Variants in CCDC146 observed in about 807,000 individuals in gnomAD.
CCDC146 encodes coiled-coil domain containing 146, also known as coiled-coil domain-containing protein 146.
CCDC146 carries 92 observed loss-of-function variants against 119.3 expected under a neutral mutation model. That is an observed-to-expected ratio of 0.77 (90% CI 0.65 to 0.92). The LOEUF is 0.92. Among genes scored for constraint, CCDC146 ranks in the 40% least tolerant of loss-of-function variants. The pLI, the probability that CCDC146 is intolerant of heterozygous loss-of-function variation, is 0.00. For synonymous variants in CCDC146, 372 were observed against 371.8 expected (o/e 1.00, Z -0.01); for missense variants, 1,000 against 1,103.0 (o/e 0.91, Z 1.32).
intron 1 of CCDC146, among the ~76,000 whole-genome samples, chr7:77,130,662 G>C (rs545187088): frequency 7.1e-6 from 1 of 140,208 alleles, no homozygotes; most frequent in Non-Finnish European, 1.5e-5. Flanking sequence ...GCAGTGGCGC[G>C]ATCTCGACTC....
rs1184811518 is a variant in CCDC146, at chr7:77,262,193, G to A, written c.1059G>A (p.Lys353=). The change falls in exon 9 of 19, where the codon AAG becomes AAA. Residue 353 remains lysine, a synonymous_variant. Transcript: ENST00000285871. The part of the protein sequence containing the change: ...KQNYHDELSR[K]QREKERDFRN... ...ACTACCATGATGAACTTTCTCGTAA[G>A]CAAAGAGAGAAAGAACGAGATTTTC... 1.9e-6 allele frequency: 3 copies of A among 1,613,792 alleles called. No homozygotes were observed. Among genetic ancestry groups the A allele is most frequent in the Admixed American group, 1.7e-5 (1 of 59,980 alleles).
chr7:77,285,951 G>C (rs1793840552), intron 15 of CCDC146, among the ~76,000 whole-genome samples: 1 of 152,234 alleles, frequency 6.6e-6, no homozygotes, highest in Admixed American at 6.5e-5. Context: ...TGCCAGCCAA[G>C]TGTTTTGAAA....
intron 1 of CCDC146, among the ~76,000 whole-genome samples, chr7:77,165,798 A>C (rs1297627062): frequency 2.6e-5 from 4 of 152,204 alleles, no homozygotes. Context: ...TTTTTAGTAA[A>C]ATATTACAAA....
At chr7:77,219,009 T>A (rs1383751404) in intron 2 of CCDC146, among the ~76,000 whole-genome samples, 1 of 152,212 alleles carries the variant, frequency 6.6e-6, no homozygotes, top group African/African-American at 2.4e-5. Context: ...ACAACATGAA[T>A]AAGGTCTATC....
intron 2 of CCDC146, among the ~76,000 whole-genome samples, chr7:77,216,118 G>C (rs1056785497): frequency 6.6e-6 from 1 of 151,560 alleles, no homozygotes; most frequent in Non-Finnish European, 1.5e-5. Flanking sequence ...AGGAAGATTT[G>C]TGCTTTTGTT....
At chr7:77,246,107 C>T (rs1283598416) in intron 4 of CCDC146, among the ~76,000 whole-genome samples, 2 of 152,038 alleles carry the variant, frequency 1.3e-5, no homozygotes, top group African/African-American at 2.4e-5. Context: ...GTTAGAGGAC[C>T]GTGGGTTCCA....
rs1174330339 is a variant in CCDC146 at position 77,196,701 on chromosome 7, G to T, written c.156+28877G>T. On this transcript the variant is annotated intron_variant, in intron 2 of 18. Coordinates refer to ENST00000285871, the MANE Select transcript of CCDC146 (RefSeq NM_020879.3). The surrounding 1 kb of genome is among the most constrained non-coding windows in gnomAD (Gnocchi z 4.2). ...TTAAAGTCTTCAAGATCTATTCTCA[G>T]AATCATTTCCTTACTCTTGGTCAGA... is the stretch of plus-strand genomic sequence containing the variant. The T allele has an allele frequency of 6.2e-7, 1 of 1,614,134 alleles. No homozygotes were observed. The highest frequency in any genetic ancestry group is 8.5e-7 in the Non-Finnish European group (1 of 1,180,002).
At chr7:77,186,552 A>G (rs918056231) in intron 2 of CCDC146, among the ~76,000 whole-genome samples, 2 of 152,138 alleles carry the variant, frequency 1.3e-5, no homozygotes, top group African/African-American at 4.8e-5. Context: ...AATAAAAATA[A>G]TGAACGAGAC....
At chr7:77,284,415 C>T (rs968938785) in intron 15 of CCDC146, among the ~76,000 whole-genome samples, 2 of 152,096 alleles carry the variant, frequency 1.3e-5, no homozygotes, top group Admixed American at 1.3e-4. Context: ...TGCTTGCCCC[C>T]ACTCCATTTT....
chr7:77,202,664 A>G (rs1792013971), intron 2 of CCDC146, among the ~76,000 whole-genome samples: 1 of 152,194 alleles, frequency 6.6e-6, no homozygotes, highest in Non-Finnish European at 1.5e-5. Context: ...CTAAGTGACT[A>G]CTGCATGAAA....
At chr7:77,161,862 C>G (rs1791268198) in intron 1 of CCDC146, among the ~76,000 whole-genome samples, 1 of 147,946 alleles carries the variant, frequency 6.8e-6, no homozygotes, top group South Asian at 2.1e-4. Context: ...GAGGCGACAT[C>G]TTATTGTGGT....
intron 1 of CCDC146, among the ~76,000 whole-genome samples, chr7:77,125,277 C>T (rs1220364374): frequency 6.7e-6 from 1 of 148,764 alleles, no homozygotes; most frequent in Non-Finnish European, 1.5e-5. Flanking sequence ...ACAATTTAAA[C>T]ATATCTTGAT....
intron 2 of CCDC146, among the ~76,000 whole-genome samples, chr7:77,222,995 T>C (rs535221212): frequency 1.3e-5 from 2 of 152,384 alleles, no homozygotes; most frequent in African/African-American, 4.8e-5. Flanking sequence ...CTGATCCTTA[T>C]GTGAATACGC....
At chr7:77,157,072 C>T (rs899274210) in intron 1 of CCDC146, among the ~76,000 whole-genome samples, 2 of 112,358 alleles carry the variant, frequency 1.8e-5, no homozygotes, top group East Asian at 2.3e-4. Flanking sequence ...TCCCTTCCTC[C>T]AAGGGGTCAG....
At chr7:77,217,562 TAGAG>T (rs34086605) in intron 2 of CCDC146, among the ~76,000 whole-genome samples, 11,858 of 147,246 alleles carry the variant, frequency 0.081, 594 homozygotes, top group Non-Finnish European at 0.12. Context: ...TATATATATA[TAGAG>T]AGAGAGAGAG....
intron 2 of CCDC146, among the ~76,000 whole-genome samples, chr7:77,204,032 T>TA (rs1284253102): frequency 2.0e-5 from 3 of 151,700 alleles, no homozygotes; most frequent in African/African-American, 7.3e-5. Context: ...GTTTTTTTTT[T>TA]CAAGGAAACC....
At chr7:77,143,330 G>A (rs563232326) in intron 1 of CCDC146, among the ~76,000 whole-genome samples, 3 of 151,810 alleles carry the variant, frequency 2.0e-5, no homozygotes, top group Non-Finnish European at 4.4e-5. Flanking sequence ...TTTGTCAGAT[G>A]AGTAGATTAC....
At chr7:77,251,409 T>C (rs1010008642) in intron 4 of CCDC146, among the ~76,000 whole-genome samples, 3 of 152,222 alleles carry the variant, frequency 2.0e-5, no homozygotes, top group Non-Finnish European at 1.5e-5. Flanking sequence ...TTAGCGTTCT[T>C]AGCCTATTAG....
intron 17 of CCDC146, among the ~76,000 whole-genome samples, chr7:77,288,364 T>C (rs1244900215): frequency 2.0e-5 from 3 of 152,230 alleles, no homozygotes; most frequent in Non-Finnish European, 2.9e-5. Flanking sequence ...CTGCAGGCTG[T>C]GCAGGAAGCA....
Sources: gnomAD v4.1 joint callset for allele counts (sites outside exome capture counted in the v4.1 genomes callset) on GRCh38, gnomAD v4.1.1 for gene constraint, Gnocchi (gnomAD v3.1) non-coding constraint, MANE v1.5 for transcripts, NCBI Gene and HGNC (gene_info 2026-07-23, HGNC 2026-07-21) for gene names.